Variants in PGR observed in about 807,000 individuals in gnomAD.
PGR encodes progesterone receptor.
In PGR, 25 loss-of-function variants were observed where a neutral mutation model predicts 76.1. The ratio of observed to expected loss-of-function variants is 0.33; its 90% CI spans 0.24 to 0.46. The LOEUF (loss-of-function observed/expected upper bound fraction) is 0.46, where lower values mean the gene tolerates loss of function less well. Ranked by LOEUF, PGR falls within the 20% of genes least tolerant of loss-of-function variation. The pLI, the probability that PGR is intolerant of heterozygous loss-of-function variation, is 1.00. For missense variants in PGR, 1,172 were observed against 1,225.3 expected (o/e 0.96, Z 0.65); for synonymous variants, 579 against 535.0 (o/e 1.08, Z -1.14).
At chr11:101,121,372 C>T (rs944849070) in intron 2 of PGR, among the ~76,000 whole-genome samples, 1 of 152,122 alleles carries the variant, frequency 6.6e-6, no homozygotes, top group Non-Finnish European at 1.5e-5. Flanking sequence ...AAATATAGAA[C>T]AAATAAATCA....
At chr11:101,044,860 T>C (rs1859812271) in intron 6 of PGR, among the ~76,000 whole-genome samples, 1 of 151,864 alleles carries the variant, frequency 6.6e-6, no homozygotes, top group Non-Finnish European at 1.5e-5. Context: ...GTGTGTGCCA[T>C]CATGTCCGAC....
At position 101,127,599 on chromosome 11, in the gene PGR, G is replaced by T; in HGVS notation, c.1472C>A (p.Pro491Gln). The part of the protein sequence containing the change: ...KAPGASGCLL[P>Q]RDGLPSTSAS... ...GGAGGTGGAGGGCAGGCCGTCCCGC[G>T]GGAGCAGGCAGCCGCTCGCGCCCGG... Residue 491 changes from proline (P) to glutamine (Q), a missense_variant, in exon 1 of 8, where the codon CCG becomes CAG. By Grantham distance (76) the Pro-to-Gln change is moderately conservative. Transcript: ENST00000325455. The T allele has an allele frequency of 4.6e-6, 6 of 1,302,842 alleles. No homozygotes were observed. Among genetic ancestry groups the T allele is most frequent in the African/African-American group, 3.1e-5 (2 of 64,662 alleles). 80.7% of individuals were successfully genotyped at this position (1,302,842 alleles called of 1,614,324 possible).
At chr11:101,076,301 C>T (rs930202631) in intron 3 of PGR, among the ~76,000 whole-genome samples, 2 of 144,984 alleles carry the variant, frequency 1.4e-5, no homozygotes, top group Non-Finnish European at 3.0e-5. Context: ...GAATGTCACA[C>T]ACAGGGATCT....
Position 101,127,752 on chromosome 11 carries a change from G to C in PGR, c.1319C>G (p.Thr440Arg). The change falls in exon 1 of 8, where the codon ACG becomes AGG. Residue 440 changes from threonine (T) to arginine (R), a missense_variant. Physicochemically the swap from Thr to Arg is moderately conservative, Grantham distance 71. Coordinates refer to ENST00000325455, the MANE Select transcript of PGR (RefSeq NM_000926.4). ...TPSRPGEAAVTAAPASASVSS... is the reference protein window; with the variant it reads ...TPSRPGEAAVRAAPASASVSS... ...GACTGAGGCACTGGCGGGTGCGGCCGTCACCGCCGCTTCCCCGGGTCTGGA... is the reference window on the plus strand; with the variant it reads ...GACTGAGGCACTGGCGGGTGCGGCCCTCACCGCCGCTTCCCCGGGTCTGGA... 1.9e-6 allele frequency: 3 copies of C among 1,554,384 alleles called. No homozygotes were observed. Among genetic ancestry groups the C allele is most frequent in the Non-Finnish European group, 2.6e-6 (3 of 1,156,958 alleles).
chr11:101,069,572 C>T (rs1367281950), intron 3 of PGR, among the ~76,000 whole-genome samples: 1 of 152,108 alleles, frequency 6.6e-6, no homozygotes, highest in African/African-American at 2.4e-5. Flanking sequence ...ATGTTTACTG[C>T]AGCAGTATTC....
At chr11:101,094,461 T>C (rs907539843) in intron 2 of PGR, among the ~76,000 whole-genome samples, 2 of 152,196 alleles carry the variant, frequency 1.3e-5, no homozygotes, top group African/African-American at 4.8e-5. Context: ...CACTTCCTTT[T>C]AAATTCCCTT....
At chr11:101,075,402 A>C (rs949502091) in intron 3 of PGR, among the ~76,000 whole-genome samples, 1 of 152,186 alleles carries the variant, frequency 6.6e-6, no homozygotes, top group African/African-American at 2.4e-5. Flanking sequence ...TTCAGGACAT[A>C]GGCATGGGCA....
At chr11:101,061,638 T>C (rs1265348971) in intron 4 of PGR, among the ~76,000 whole-genome samples, 2 of 152,218 alleles carry the variant, frequency 1.3e-5, no homozygotes, top group Non-Finnish European at 2.9e-5. Context: ...GTATTACTGA[T>C]GTGAAGAGAA....
At chr11:101,073,273 C>A (rs956116417) in intron 3 of PGR, among the ~76,000 whole-genome samples, 1 of 151,970 alleles carries the variant, frequency 6.6e-6, no homozygotes, top group Non-Finnish European at 1.5e-5. Context: ...TATTTGAAAC[C>A]AATGAGAACA....
intron 7 of PGR, among the ~76,000 whole-genome samples, chr11:101,039,736 T>C (rs1284583363): frequency 1.3e-5 from 2 of 151,990 alleles, no homozygotes; most frequent in Non-Finnish European, 2.9e-5. Flanking sequence ...GTGTATAATG[T>C]TGAAAGTCAA....
At chr11:101,046,394 C>T (rs1225060536) in intron 6 of PGR, among the ~76,000 whole-genome samples, 1 of 141,738 alleles carries the variant, frequency 7.1e-6, no homozygotes, top group African/African-American at 2.6e-5. Context: ...TTCAAGCCAT[C>T]TGCCCAGCTT....
intron 4 of PGR, among the ~76,000 whole-genome samples, chr11:101,060,730 C>T (rs1860463474): frequency 1.3e-5 from 2 of 152,120 alleles, no homozygotes; most frequent in South Asian, 4.1e-4. Flanking sequence ...CAATGTTTCC[C>T]TGTTTGCAAT....
At chr11:101,080,060 C>A (rs1354961924) in intron 3 of PGR, among the ~76,000 whole-genome samples, 2 of 152,166 alleles carry the variant, frequency 1.3e-5, no homozygotes, top group Non-Finnish European at 2.9e-5. Flanking sequence ...GGCACTGGTG[C>A]TTGTGCTTGC....
intron 4 of PGR, among the ~76,000 whole-genome samples, chr11:101,060,194 T>A (rs1209237258): frequency 6.6e-6 from 1 of 151,392 alleles, no homozygotes; most frequent in East Asian, 1.9e-4. Context: ...TGTGTGTGCG[T>A]GTGTGTGTGT....
chr11:101,085,941 G>A (rs962322559), intron 3 of PGR, among the ~76,000 whole-genome samples: 4 of 152,040 alleles, frequency 2.6e-5, no homozygotes, highest in Admixed American at 2.6e-4. Context: ...GGTTCCAAAT[G>A]GAATTAGTAA....
intron 7 of PGR, among the ~76,000 whole-genome samples, chr11:101,039,561 T>A (rs1859629224): frequency 1.2e-5 from 1 of 82,288 alleles, no homozygotes; most frequent in Non-Finnish European, 2.5e-5. Flanking sequence ...TTACTCAAGT[T>A]TTTTTTTCTT....
intron 6 of PGR, among the ~76,000 whole-genome samples, chr11:101,045,143 CT>C (rs1488756693): frequency 2.0e-5 from 3 of 152,102 alleles, no homozygotes; most frequent in Non-Finnish European, 4.4e-5. Context: ...GAGATACAAA[CT>C]TATGAAAAAC....
chr11:101,064,439 A>C (rs1199407712), intron 3 of PGR, among the ~76,000 whole-genome samples: 1 of 151,818 alleles, frequency 6.6e-6, no homozygotes, highest in African/African-American at 2.4e-5. Context: ...TGGTTAAAAA[A>C]CAAAGGGGAT....
chr11:101,127,678 C>T lies in PGR; in HGVS notation c.1393G>A (p.Ala465Thr). ...GSTLECILYKAEGAPPQQGPF... is the reference protein window; with the variant it reads ...GSTLECILYKTEGAPPQQGPF... ...CCCTGCTGGGGCGGCGCGCCCTCCG[C>T]TTTGTACAGGATGCACTCCAGGGTC... The change falls in exon 1 of 8, where the codon GCG becomes ACG. Residue 465 changes from alanine to threonine, a missense_variant. By Grantham distance (58) the Ala-to-Thr change is moderately conservative. Transcript: ENST00000325455. The T allele has an allele frequency of 6.4e-7, 1 of 1,572,384 alleles. No individual in the cohort carries two copies. The highest frequency in any genetic ancestry group is 8.6e-7 in the Non-Finnish European group (1 of 1,168,256).
Sources: gnomAD v4.1 joint callset for allele counts (sites outside exome capture counted in the v4.1 genomes callset) on GRCh38, gnomAD v4.1.1 for gene constraint, MANE v1.5 for transcripts, NCBI Gene and HGNC (gene_info 2026-07-23, HGNC 2026-07-21) for gene names.